CCK: variants seen among roughly 807,000 people sequenced by gnomAD.
The protein encoded by CCK is cholecystokinin, also known as cholecystokinin triacontatriapeptide.
A neutral mutation model predicts 10.1 loss-of-function variants in CCK; 11 were observed. The ratio of observed to expected loss-of-function variants is 1.09; its 90% confidence interval spans 0.69 to 1.81. The LOEUF (loss-of-function observed/expected upper bound fraction) is 1.81. Ranked by LOEUF, CCK falls within the 40% of genes most tolerant of loss-of-function variation. The probability of loss-of-function intolerance (pLI) is 0.00; values close to 1 mark genes in which losing one functional copy is unlikely to be tolerated. For synonymous variants in CCK, 83 were observed against 71.9 expected (o/e 1.15, Z -0.78); for missense variants, 137 against 159.9 (o/e 0.86, Z 0.77).
At chr3:42,261,534 G>C (rs2149571071) in intron 4 of CCK, among the ~76,000 whole-genome samples, 1 of 152,060 alleles carries the variant, frequency 6.6e-6, no homozygotes, top group Non-Finnish European at 1.5e-5. Flanking sequence ...GGACTAGAAA[G>C]AACTTTCCAG....
chr3:42,263,783 G>A, intron 3 of CCK, 151 bp from the exon 4 acceptor site: 2 of 1,335,212 alleles, frequency 1.5e-6, no homozygotes, highest in Non-Finnish European at 2.0e-6. Context: ...GCCAAGCGCT[G>A]ACCCCAGCCG....
At chr3:42,263,868 A>C in intron 3 of CCK, 1 of 544,072 alleles carries the variant, frequency 1.8e-6, no homozygotes, top group Non-Finnish European at 3.0e-6. Flanking sequence ...AGGGGCAGAG[A>C]CCCTGTTTTC....
chr3:42,258,128 G>A lies in CCK; in HGVS notation c.318C>T (p.Arg106=), dbSNP rs770262290. ...AGGGGTACTCATACTCCTCGGCACT[G>A]CGACGGCCAAAATCCATCCAGCCCA... ...DYMGWMDFGR[R]SAEEYEYPS The change falls in exon 5 of 5, where the codon CGC becomes CGT. Residue 106 remains arginine, a synonymous_variant. Transcript: ENST00000396169. The A allele has an allele frequency of 3.7e-6, 6 of 1,614,132 alleles. No individual in the cohort carries two copies. In the East Asian group the frequency reaches 1.3e-4, roughly 36 times the overall value.
At chr3:42,263,315 C>T (rs1320571518) in intron 4 of CCK, 102 bp downstream of exon 4, 3 of 1,561,330 alleles carry the variant, frequency 1.9e-6, no homozygotes, top group Non-Finnish European at 2.6e-6. Flanking sequence ...TGTTTCCTAC[C>T]GAGAGAGGTC....
At position 42,263,439 on chromosome 3, in the gene CCK, T is replaced by A. The variant is rs1711243752; in HGVS notation, c.192A>T (p.Arg64Ser). ...SRAHLGALLARYIQQARKAPS... is the reference protein window; with the variant it reads ...SRAHLGALLASYIQQARKAPS... Reference sequence around the variant, plus strand: ...TACCTTTCCGGGCCTGCTGGATGTATCTTGCCAGCAGGGCGCCCAGGTGCG... The same window carrying A: ...TACCTTTCCGGGCCTGCTGGATGTAACTTGCCAGCAGGGCGCCCAGGTGCG... Residue 64 changes from arginine (R) to serine (S), a missense_variant, in exon 4 of 5, where the codon AGA (arginine) becomes AGT (serine). Transcript: ENST00000396169. 1 of 1,614,180 alleles carries A rather than the reference T, an allele frequency of 6.2e-7. No individual in the cohort carries two copies. The highest frequency in any genetic ancestry group is 1.7e-5 in the Admixed American group (1 of 60,022).
In CCK at chr3:42,265,702, G is replaced by T. The variant is rs1282567652; in HGVS notation, c.-401C>A. ...ACAGTACCTTCCAGAACTCAGCTGC[G>T]CAGCCTGGAGGTGAGGACCTCACCC... On this transcript the variant is annotated 5_prime_UTR_variant, in exon 1 of 5. Coordinates refer to ENST00000396169, the MANE Select transcript of CCK (RefSeq NM_000729.6). The T allele has an allele frequency of 1.3e-5, 2 of 152,228 alleles. No homozygotes were observed. The highest frequency in any genetic ancestry group is 1.3e-4 in the Admixed American group (2 of 15,274). The allele number at this position is 152,228 out of a possible 1,614,324, so 9.4% of individuals were successfully genotyped here.
intron 4 of CCK, among the ~76,000 whole-genome samples, chr3:42,261,091 C>A (rs1711203913): frequency 6.6e-6 from 1 of 152,150 alleles, no homozygotes; most frequent in Non-Finnish European, 1.5e-5. Flanking sequence ...GGGGGAGGCG[C>A]ACACTAAATG....
chr3:42,263,742 A>C (rs1577103484), intron 3 of CCK, 110 bp from the exon 4 acceptor site: 2 of 1,420,362 alleles, frequency 1.4e-6, no homozygotes. Context: ...GGTGCTCCAG[A>C]CCCGCCAGGC....
rs1030803716 is a variant in CCK at position 42,263,601 on chromosome 3, C to A, written c.30G>T (p.Leu10=). 3.1e-6 allele frequency: 5 copies of A among 1,605,676 alleles called. No individual in the cohort carries two copies. The African/African-American group carries it at 5.4e-5, about 17-fold the overall frequency. MNSGVCLCV[L]MAVLAAGALT... ...GGGCGCCAGCCGCCAGTACCGCCATCAGCACGCACAGGCACACGCCGCTGT... is the reference window on the plus strand; with the variant it reads ...GGGCGCCAGCCGCCAGTACCGCCATAAGCACGCACAGGCACACGCCGCTGT... The change falls in exon 4 of 5, where the codon CTG becomes CTT. Residue 10 remains leucine, a synonymous_variant. Transcript: ENST00000396169.
intron 4 of CCK, among the ~76,000 whole-genome samples, chr3:42,262,371 C>T (rs765605478): frequency 6.6e-6 from 1 of 152,084 alleles, no homozygotes; most frequent in African/African-American, 2.4e-5. Flanking sequence ...CAAGCATGTG[C>T]CACCATGCCC....
In CCK at chr3:42,258,127, T is replaced by A; in HGVS notation, c.319A>T (p.Ser107Cys). 6.2e-7 allele frequency: 1 copy of A among 1,614,152 alleles called. No homozygotes were observed. The highest frequency in any genetic ancestry group is 8.5e-7 in the Non-Finnish European group (1 of 1,180,026). The change falls in exon 5 of 5, where the codon AGT becomes TGT. Residue 107 changes from serine to cysteine, a missense_variant. Physicochemically the swap from Ser to Cys is moderately radical, Grantham distance 112. Coordinates refer to ENST00000396169, the MANE Select transcript of CCK (RefSeq NM_000729.6). The part of the protein sequence containing the change: ...YMGWMDFGRR[S>C]AEEYEYPS ...GAGGGGTACTCATACTCCTCGGCACTGCGACGGCCAAAATCCATCCAGCCC... is the reference window on the plus strand; with the variant it reads ...GAGGGGTACTCATACTCCTCGGCACAGCGACGGCCAAAATCCATCCAGCCC...
intron 3 of CCK, chr3:42,263,882 C>G: frequency 2.1e-6 from 1 of 480,664 alleles, no homozygotes; most frequent in Non-Finnish European, 3.5e-6. Context: ...TGTTTTCTGC[C>G]GTGTTGAGCA....
rs1037620071 is a variant in CCK at position 42,264,773 on chromosome 3, C to T, written c.-79G>A. 7 of 152,354 alleles carry T rather than the reference C, an allele frequency of 4.6e-5. No individual in the cohort carries two copies. Among genetic ancestry groups the T allele is most frequent in the African/African-American group, 1.7e-4 (7 of 41,468 alleles). The allele number at this position is 152,354 out of a possible 1,614,324, so 9.4% of individuals were successfully genotyped here. A position where few individuals can be genotyped will look rare whatever the true frequency, so the allele number is the denominator to read the frequency against. On this transcript the variant is annotated 5_prime_UTR_variant, in exon 3 of 5. Coordinates refer to ENST00000396169, the MANE Select transcript of CCK (RefSeq NM_000729.6). ...CAGCTGAGCCAAGTTCAGGGAGGAC[C>T]AGCGGGCGGCTGTCTCTTAAATAGC...
chr3:42,264,828 T>C lies in CCK; in HGVS notation c.-134A>G, dbSNP rs1711264325. ...CCCGGCGGCGTCGGCCAGTCATGTA[T>C]TTACCCAACGCTGACGCAGACTGGC... is the stretch of plus-strand genomic sequence containing the variant. On this transcript the variant is annotated 5_prime_UTR_variant, in exon 3 of 5. Transcript: ENST00000396169. 6.6e-6 allele frequency: 1 copy of C among 152,278 alleles called. No individual in the cohort carries two copies. Among genetic ancestry groups the C allele is most frequent in the Admixed American group, 6.5e-5 (1 of 15,286 alleles). The allele number at this position is 152,278 out of a possible 1,614,324, so 9.4% of individuals were successfully genotyped here.
At position 42,265,794 on chromosome 3, in the gene CCK, G is replaced by T. The variant is rs1042574363; in HGVS notation, c.-493C>A. The T allele has an allele frequency of 1.3e-5, 2 of 152,236 alleles. No individual in the cohort carries two copies. The highest frequency in any genetic ancestry group is 4.8e-5 in the African/African-American group (2 of 41,442). The allele number at this position is 152,236 out of a possible 1,614,324, so 9.4% of individuals were successfully genotyped here. A position where few individuals can be genotyped will look rare whatever the true frequency, so the allele number is the denominator to read the frequency against. On this transcript the variant is annotated 5_prime_UTR_variant, in exon 1 of 5. Coordinates refer to ENST00000396169, the MANE Select transcript of CCK (RefSeq NM_000729.6). ...GGCTGCCGTGCGCCTTTCCCTGCACGCGGTTACTCTCCCGGCTCCGGAGCG... is the reference window on the plus strand; with the variant it reads ...GGCTGCCGTGCGCCTTTCCCTGCACTCGGTTACTCTCCCGGCTCCGGAGCG...
At chr3:42,262,475 C>G (rs11571852) in intron 4 of CCK, among the ~76,000 whole-genome samples, 4 of 152,158 alleles carry the variant, frequency 2.6e-5, no homozygotes, top group African/African-American at 9.7e-5. Flanking sequence ...CTGCCTCAGC[C>G]CCCCAAAGTG....
chr3:42,261,932 C>T (rs1290488641), intron 4 of CCK, among the ~76,000 whole-genome samples: 1 of 152,148 alleles, frequency 6.6e-6, no homozygotes, highest in Non-Finnish European at 1.5e-5. Flanking sequence ...AGCAGGAAAG[C>T]AAAACACAAG....
chr3:42,263,601 C>T lies in CCK; in HGVS notation c.30G>A (p.Leu10=). MNSGVCLCV[L]MAVLAAGALT... ...GGGCGCCAGCCGCCAGTACCGCCAT[C>T]AGCACGCACAGGCACACGCCGCTGT... Residue 10 remains leucine, a synonymous_variant, in exon 4 of 5, where the codon CTG becomes CTA. Coordinates refer to ENST00000396169, the MANE Select transcript of CCK (RefSeq NM_000729.6). 1.2e-6 allele frequency: 2 copies of T among 1,605,794 alleles called. No homozygotes were observed. Among genetic ancestry groups the T allele is most frequent in the South Asian group, 2.2e-5 (2 of 89,956 alleles).
intron 4 of CCK, chr3:42,263,128 C>T (rs1711238869): frequency 1.9e-6 from 1 of 518,394 alleles, no homozygotes; most frequent in Non-Finnish European, 3.5e-6. Context: ...GGAACCCTTT[C>T]CTAGGCTTCA....
Sources: allele counts gnomAD v4.1 joint callset (sites outside exome capture counted in the v4.1 genomes callset), GRCh38; gene constraint gnomAD v4.1.1; transcripts MANE v1.5; gene names NCBI Gene and HGNC (gene_info 2026-07-23, HGNC 2026-07-21).